Variants in MAP4K4 observed in about 807,000 individuals in gnomAD.
MAP4K4 encodes mitogen-activated protein kinase kinase kinase kinase 4.
A neutral mutation model predicts 189.6 loss-of-function variants in MAP4K4; 38 were observed. That is an observed-to-expected ratio of 0.20 (90% CI 0.15 to 0.26). The LOEUF is 0.26. Ranked by LOEUF, MAP4K4 falls within the 10% of genes least tolerant of loss-of-function variation. The pLI, the probability that MAP4K4 is intolerant of heterozygous loss-of-function variation, is 1.00. For synonymous variants in MAP4K4, 610 were observed against 624.3 expected, an observed-to-expected ratio of 0.98 and a Z score of 0.34; for missense variants, 1,054 against 1,726.9, an observed-to-expected ratio of 0.61 and a Z score of 6.91.
At chr2:101,701,961 G>C (rs1482708178) in intron 2 of MAP4K4, among the ~76,000 whole-genome samples, 1 of 152,130 alleles carries the variant, frequency 6.6e-6, no homozygotes, top group African/African-American at 2.4e-5. Flanking sequence ...CGTCTCCCGG[G>C]TTCAAGTGAT....
At chr2:101,796,654 T>C (rs34043159) in intron 3 of MAP4K4, among the ~76,000 whole-genome samples, 42,911 of 152,110 alleles carry the variant, frequency 0.28, 6,817 homozygotes, top group South Asian at 0.49. Flanking sequence ...TAAAATTTGT[T>C]TTTAGCAGAT....
At chr2:101,699,235 C>T (rs992558911) in intron 2 of MAP4K4, among the ~76,000 whole-genome samples, 1 of 152,156 alleles carries the variant, frequency 6.6e-6, no homozygotes, top group African/African-American at 2.4e-5. Context: ...TACACCCACC[C>T]AGGTCTTTCT....
chr2:101,742,700 G>A (rs1462696190), intron 2 of MAP4K4, among the ~76,000 whole-genome samples: 1 of 152,102 alleles, frequency 6.6e-6, no homozygotes. Context: ...CCTTCTTTCT[G>A]CAGTAGTTTC....
At chr2:101,852,345 T>C (rs1006083837) in intron 12 of MAP4K4, among the ~76,000 whole-genome samples, 5 of 152,116 alleles carry the variant, frequency 3.3e-5, no homozygotes, top group Admixed American at 2.0e-4. Context: ...TCTGTTAAGA[T>C]GTCATATGCT....
intron 3 of MAP4K4, among the ~76,000 whole-genome samples, chr2:101,792,997 T>A (rs192162136): frequency 1.3e-5 from 2 of 152,290 alleles, no homozygotes; most frequent in African/African-American, 4.8e-5. Context: ...CATGTTTCTG[T>A]GAACATAGCT....
At chr2:101,855,571 T>C (rs2097427241) in intron 12 of MAP4K4, among the ~76,000 whole-genome samples, 1 of 152,202 alleles carries the variant, frequency 6.6e-6, no homozygotes, top group African/African-American at 2.4e-5. Flanking sequence ...CTTTTTTAAA[T>C]TCTTTGTCTG....
At chr2:101,829,068 T>TA (rs1488684345) in intron 5 of MAP4K4, among the ~76,000 whole-genome samples, 8 of 152,212 alleles carry the variant, frequency 5.3e-5, no homozygotes, top group African/African-American at 1.9e-4. Flanking sequence ...TAGCCAGTGT[T>TA]AAAGAGCCAG....
At chr2:101,809,435 T>C (rs1051630294) in intron 3 of MAP4K4, among the ~76,000 whole-genome samples, 1 of 152,138 alleles carries the variant, frequency 6.6e-6, no homozygotes, top group Non-Finnish European at 1.5e-5. Flanking sequence ...TTAATCGATA[T>C]ATTTTCCCTG....
chr2:101,776,202 C>T (rs1440165943), intron 2 of MAP4K4, among the ~76,000 whole-genome samples: 2 of 152,152 alleles, frequency 1.3e-5, no homozygotes, highest in Non-Finnish European at 2.9e-5. Context: ...GGGTGAGGCC[C>T]AGGCATATTT....
rs2097919840 is a variant in MAP4K4, at chr2:101,869,575, C to G, written c.2464-47C>G. On this transcript the variant is annotated intron_variant, in intron 21 of 32. Transcript: ENST00000324219. ...TAAAGAACTTCTCATCTTCTCCTGT[C>G]CCTGCTCCTGCTTGCCTTACTCTCT... The G allele has an allele frequency of 2.7e-6, 4 of 1,462,314 alleles. No individual in the cohort carries two copies. The South Asian group carries it at 3.6e-5, about 13-fold the overall frequency. The allele number at this position is 1,462,314 out of a possible 1,614,324, so 90.6% of individuals were successfully genotyped here.
chr2:101,860,996 G>C lies in MAP4K4; in HGVS notation c.1866+10G>C, dbSNP rs1559227601. ...ACCAGCGGAGCCACAGGTAGCGACAGCCAGCTTTGCTGTGGTTGAGGAGAC... is the reference window on the plus strand; with the variant it reads ...ACCAGCGGAGCCACAGGTAGCGACACCCAGCTTTGCTGTGGTTGAGGAGAC... On this transcript the variant is annotated intron_variant, in intron 16 of 32. Coordinates refer to ENST00000324219, the Ensembl canonical transcript of MAP4K4. 6.3e-7 allele frequency: 1 copy of C among 1,584,046 alleles called. No homozygotes were observed.
At chr2:101,741,035 G>T (rs1198567479) in intron 2 of MAP4K4, among the ~76,000 whole-genome samples, 2 of 152,178 alleles carry the variant, frequency 1.3e-5, no homozygotes, top group Non-Finnish European at 2.9e-5. Flanking sequence ...GCCATAAAGA[G>T]TTAAAAAGTG....
intron 3 of MAP4K4, chr2:101,797,425 C>G (rs2093828392): frequency 7.8e-7 from 1 of 1,284,696 alleles, no homozygotes; most frequent in African/African-American, 1.5e-5. Context: ...CTGTATCCCC[C>G]TCCTGCACCG....
intron 17 of MAP4K4, 139 bp from the exon 18 acceptor site, chr2:101,864,791 A>C: frequency 1.6e-6 from 1 of 621,172 alleles, no homozygotes; most frequent in East Asian, 2.8e-5. Flanking sequence ...CCAGGGAAGG[A>C]GTTGGGGTGG....
At chr2:101,846,677 G>T (rs1355800304) in intron 12 of MAP4K4, among the ~76,000 whole-genome samples, 2 of 152,304 alleles carry the variant, frequency 1.3e-5, no homozygotes, top group Admixed American at 6.5e-5. Flanking sequence ...TTTTGTGCTT[G>T]TCATGTTTTA....
In MAP4K4 at chr2:101,843,677, A is replaced by G. The variant is rs1054989473; in HGVS notation, c.1023-424A>G. Among the ~76,000 whole-genome samples, 7 of 152,098 alleles carry G rather than the reference A, an allele frequency of 4.6e-5. No individual in the cohort carries two copies. The South Asian group carries it at 1.0e-3, about 23-fold the overall frequency. On this transcript the variant is annotated intron_variant, in intron 11 of 32. Coordinates refer to ENST00000324219, the Ensembl canonical transcript of MAP4K4. ...CCTGGAAATAAGAAAGTGGGAGGGA[A>G]TTATGACAGGGCTTGGTGGTTGACC...
At chr2:101,699,902 G>T (rs777355995) in intron 2 of MAP4K4, among the ~76,000 whole-genome samples, 1 of 151,852 alleles carries the variant, frequency 6.6e-6, no homozygotes, top group Non-Finnish European at 1.5e-5. Flanking sequence ...ACTGAATTTG[G>T]AAGGCTTTGG....
In MAP4K4 at chr2:101,869,973, A is replaced by G. The variant is rs6761844; in HGVS notation, c.2639+176A>G. 76,137 of 775,336 alleles carry G rather than the reference A, an allele frequency of 0.098. 11,946 individuals are homozygous for G. Among genetic ancestry groups the G allele is most frequent in the African/African-American group, 0.6 (34,065 of 56,840 alleles). The allele number at this position is 775,336 out of a possible 1,614,324, so 48.0% of individuals were successfully genotyped here. On this transcript the variant is annotated intron_variant, in intron 22 of 32. Transcript: ENST00000324219. Reference sequence around the variant, plus strand: ...CCCTTCTCTTCGTTGGTGTGTGCATATGTCAGTGCTTCCCCCAGCACCCCA... The same window carrying G: ...CCCTTCTCTTCGTTGGTGTGTGCATGTGTCAGTGCTTCCCCCAGCACCCCA...
intron 2 of MAP4K4, among the ~76,000 whole-genome samples, chr2:101,777,387 C>A (rs1364377353): frequency 6.6e-6 from 1 of 152,216 alleles, no homozygotes; most frequent in Non-Finnish European, 1.5e-5. Flanking sequence ...GAAGCTTGAG[C>A]AGAGCCACCA....
Sources: allele counts gnomAD v4.1 joint callset (sites outside exome capture counted in the v4.1 genomes callset), GRCh38; gene constraint gnomAD v4.1.1; transcripts MANE v1.5; gene names NCBI Gene and HGNC (gene_info 2026-07-23, HGNC 2026-07-21).